The following ECSIT variants were observed in gnomAD, a reference collection of about 807,000 sequenced individuals.
The protein encoded by ECSIT is evolutionarily conserved signaling intermediate in Toll pathway, mitochondrial.
ECSIT carries 29 observed loss-of-function variants against 36.8 expected under a neutral mutation model. That is an observed-to-expected ratio of 0.79 (90% confidence interval 0.59 to 1.08). ECSIT has a LOEUF of 1.08. Ranked by LOEUF, ECSIT falls within the 50% of genes least tolerant of loss-of-function variation. The pLI is 0.00. For synonymous variants in ECSIT, 231 were observed against 234.8 expected, an observed-to-expected ratio of 0.98 and a Z score of 0.15; for missense variants, 542 against 581.0, an observed-to-expected ratio of 0.93 and a Z score of 0.69.
chr19:11,506,711 T>G (rs1658101320), intron 7 of ECSIT, among the ~76,000 whole-genome samples: 2 of 152,012 alleles, frequency 1.3e-5, no homozygotes, highest in Admixed American at 6.6e-5. Flanking sequence ...ATTTTTAAAT[T>G]TTTAGTAGAG....
chr19:11,508,007 G>T lies in ECSIT; in HGVS notation c.780C>A (p.Pro260=), dbSNP rs147802736. 315 of 1,614,178 alleles carry T rather than the reference G, an allele frequency of 2.0e-4. 1 individual carries two copies. In the African/African-American group the frequency reaches 3.7e-3, roughly 19 times the overall value. The change falls in exon 5 of 8, where the codon CCC becomes CCA. Residue 260 remains proline (P), a synonymous_variant. Coordinates refer to ENST00000270517, the MANE Select transcript of ECSIT (RefSeq NM_016581.5). The part of the protein sequence containing the change: ...PKDSTGAADP[P]QPHIVGIQSP... ...CGGACTTACCTACGATGTGGGGCTG[G>T]GGGGGATCTGCTGCACCTGTTGAGT... is the stretch of plus-strand genomic sequence containing the variant.
intron 4 of ECSIT, among the ~76,000 whole-genome samples, chr19:11,511,195 A>G (rs1971864186): frequency 6.6e-6 from 1 of 152,140 alleles, no homozygotes; most frequent in Non-Finnish European, 1.5e-5. Context: ...AAGTGCTGTG[A>G]GGGGCTCTCT....
Position 11,522,273 on chromosome 19 carries a change from C to T in ECSIT, c.-23-3080G>A. The T allele has an allele frequency of 4.6e-6, 3 of 646,002 alleles. No individual in the cohort carries two copies. The South Asian group carries it at 5.0e-5, about 11-fold the overall frequency. 40.0% of individuals were successfully genotyped at this position (646,002 alleles called of 1,614,324 possible). On this transcript the variant is annotated intron_variant, in intron 1 of 7. Transcript: ENST00000270517. ...ACCAGGAATATTGGGACCTGACCAC[C>T]ACGGGCGCTGTCACCCAGTGCTACC...
intron 3 of ECSIT, among the ~76,000 whole-genome samples, chr19:11,513,552 G>A (rs1489978116): frequency 1.4e-5 from 2 of 142,610 alleles, no homozygotes; most frequent in South Asian, 2.3e-4. Context: ...AAGGAAGGGA[G>A]GGAGAGAGAG....
At chr19:11,527,727 T>C (rs1419126847) in intron 1 of ECSIT, among the ~76,000 whole-genome samples, 1 of 152,058 alleles carries the variant, frequency 6.6e-6, no homozygotes, top group African/African-American at 2.4e-5. Context: ...CAGTGGCTCA[T>C]GCCTATAATC....
At chr19:11,528,613 T>C (rs917353415) in intron 1 of ECSIT, 1 of 152,220 alleles carries the variant, frequency 6.6e-6, no homozygotes, top group African/African-American at 2.4e-5. Context: ...ATCTTCCTCA[T>C]TGCTGTGTCT....
chr19:11,514,504 C>T (rs889359970), intron 2 of ECSIT, among the ~76,000 whole-genome samples: 2 of 146,386 alleles, frequency 1.4e-5, no homozygotes, highest in Admixed American at 6.7e-5. Context: ...ACACACATGC[C>T]GGTTTTTTTT....
At chr19:11,512,017 C>T (rs1389960981) in intron 4 of ECSIT, among the ~76,000 whole-genome samples, 2 of 148,194 alleles carry the variant, frequency 1.3e-5, no homozygotes, top group Admixed American at 6.7e-5. Context: ...GGCGACAGAG[C>T]GAGACTCCAT....
chr19:11,515,382 A>C (rs12609372), intron 2 of ECSIT, among the ~76,000 whole-genome samples: 1 of 151,812 alleles, frequency 6.6e-6, no homozygotes, highest in Admixed American at 6.6e-5. Context: ...GATTACAGGC[A>C]TGAGCCACCG....
Position 11,506,252 on chromosome 19 carries a change from G to T in ECSIT, c.1228C>A (p.Pro410Thr). 1 of 1,610,580 alleles carries T rather than the reference G, an allele frequency of 6.2e-7. No homozygotes were observed. The stretch of plus-strand genomic sequence containing the variant: ...TCCTGGTGGTCCTCGGGCAGGGGCG[G>T]CTCCTCCAGCCCTGCAGAGGATGTC... ...LQTSSAGLEE[P>T]PLPEDHQEED... The change falls in exon 8 of 8, where the codon CCG becomes ACG. Residue 410 changes from proline to threonine, a missense_variant. Transcript: ENST00000270517.
At chr19:11,515,204 C>T (rs376974828) in intron 2 of ECSIT, among the ~76,000 whole-genome samples, 4,068 of 150,072 alleles carry the variant, frequency 0.027, 75 homozygotes, top group Middle Eastern at 0.048. Context: ...CCCGGGTTCA[C>T]GCCATTCTCC....
At chr19:11,522,549 G>GA in intron 1 of ECSIT, 1 of 679,108 alleles carries the variant, frequency 1.5e-6, no homozygotes, top group Admixed American at 2.6e-5. Context: ...GAACGCCCCG[G>GA]TAAAAAAAAA....
chr19:11,510,939 CCCCCA>C, intron 4 of ECSIT, among the ~76,000 whole-genome samples: 1 of 151,938 alleles, frequency 6.6e-6, no homozygotes, highest in Non-Finnish European at 1.5e-5. Flanking sequence ...AATCTCTGCC[CCCCCA>C]CCCCCGGCAT....
At chr19:11,515,312 T>A (rs140581673) in intron 2 of ECSIT, among the ~76,000 whole-genome samples, 13 of 150,510 alleles carry the variant, frequency 8.6e-5, no homozygotes, top group South Asian at 2.1e-4. Flanking sequence ...ACTGTGTTAG[T>A]CAGGATGGTC....
chr19:11,528,415 A>T (rs1032430561), intron 1 of ECSIT, among the ~76,000 whole-genome samples: 12 of 152,180 alleles, frequency 7.9e-5, no homozygotes, highest in African/African-American at 2.9e-4. Context: ...CTACGCCCAG[A>T]TAATTTTTTG....
rs866157881 is a variant in ECSIT, at chr19:11,522,866, C to T, written c.-23-3673G>A. Among the ~76,000 whole-genome samples, 5 of 152,106 alleles carry T rather than the reference C, an allele frequency of 3.3e-5. 1 individual carries two copies. In the South Asian group the frequency reaches 1.0e-3, roughly 32 times the overall value. ...CGGGTGGATCACGAGGTCAGGAGATCGAGACCATCCTGGTTAACACGGTGA... is the reference window on the plus strand; with the variant it reads ...CGGGTGGATCACGAGGTCAGGAGATTGAGACCATCCTGGTTAACACGGTGA... On this transcript the variant is annotated intron_variant, in intron 1 of 7. Transcript: ENST00000270517.
In ECSIT at chr19:11,520,202, C is replaced by T. The variant is rs553481993; in HGVS notation, c.-23-1009G>A. Among the ~76,000 whole-genome samples, 9 of 152,062 alleles carry T rather than the reference C, an allele frequency of 5.9e-5. 1 individual carries two copies. Among genetic ancestry groups the T allele is most frequent in the African/African-American group, 2.2e-4 (9 of 41,456 alleles). The stretch of plus-strand genomic sequence containing the variant: ...TTTCTTTTTTTCTGAGATGCAGTCT[C>T]GCTCTGTCACCCAGGCTGAAGTGCA... On this transcript the variant is annotated intron_variant, in intron 1 of 7. Coordinates refer to ENST00000270517, the MANE Select transcript of ECSIT (RefSeq NM_016581.5).
chr19:11,520,296 C>T (rs981098606), intron 1 of ECSIT, among the ~76,000 whole-genome samples: 3 of 152,032 alleles, frequency 2.0e-5, no homozygotes, highest in Non-Finnish European at 2.9e-5. Flanking sequence ...CTCAGCATCC[C>T]GAGTAGCTGG....
rs775487934 is a variant in ECSIT, at chr19:11,506,358, G to C, written c.1122C>G (p.Ile374Met). 3 of 1,613,672 alleles carry C rather than the reference G, an allele frequency of 1.9e-6. No individual in the cohort carries two copies. Among genetic ancestry groups the C allele is most frequent in the Non-Finnish European group, 2.5e-6 (3 of 1,179,916 alleles). The change falls in exon 8 of 8, where the codon ATC (isoleucine) becomes ATG (methionine). Residue 374 changes from isoleucine (I) to methionine (M), a missense_variant. Physicochemically the swap from Ile to Met is conservative, Grantham distance 10. Transcript: ENST00000270517. ...AHDQATMAKW[I>M]QGLQETNPTL... ...TTGGGTTGGTCTCCTGCAGGCCCTG[G>C]ATCCACTTAGCCATCGTCGCCTGGT...
Sources: gnomAD v4.1 joint callset for allele counts (sites outside exome capture counted in the v4.1 genomes callset) on GRCh38, gnomAD v4.1.1 for gene constraint, MANE v1.5 for transcripts, NCBI Gene and HGNC (gene_info 2026-07-23, HGNC 2026-07-21) for gene names.